Variants in GSKIP observed in about 807,000 individuals in gnomAD.
GSKIP encodes GSK3B interacting protein.
A neutral mutation model predicts 11.9 loss-of-function variants in GSKIP; 5 were observed. The observed-to-expected ratio is 0.42, with a 90% confidence interval of 0.22 to 0.89. GSKIP has a LOEUF of 0.89. Ranked by LOEUF, GSKIP falls within the 40% of genes least tolerant of loss-of-function variation. The pLI is 0.29. For missense variants in GSKIP, 150 were observed against 166.6 expected, an observed-to-expected ratio of 0.90 and a Z score of 0.55; for synonymous variants, 70 against 62.9, an observed-to-expected ratio of 1.11 and a Z score of -0.54.
chr14:96,380,586 A>G (rs1414565373), intron 2 of GSKIP, among the ~76,000 whole-genome samples: 2 of 152,224 alleles, frequency 1.3e-5, no homozygotes, highest in Non-Finnish European at 1.5e-5. Flanking sequence ...GAATGTCACT[A>G]TCTTGAAGGA....
intron 1 of GSKIP, among the ~76,000 whole-genome samples, chr14:96,369,291 A>G (rs796717592): frequency 3.9e-5 from 6 of 152,356 alleles, no homozygotes; most frequent in African/African-American, 1.4e-4. Context: ...GTTGGAATTT[A>G]AAAGGAAAGC....
intron 3 of GSKIP, among the ~76,000 whole-genome samples, chr14:96,383,323 C>T (rs1889400592): frequency 1.3e-5 from 2 of 151,728 alleles, no homozygotes; most frequent in Admixed American, 1.3e-4. Context: ...TAGGAGGGGG[C>T]CTATGAGTTC....
chr14:96,371,648 T>C (rs1889051552), intron 1 of GSKIP, among the ~76,000 whole-genome samples: 1 of 152,094 alleles, frequency 6.6e-6, no homozygotes, highest in African/African-American at 2.4e-5. Flanking sequence ...GGTTTCGCCA[T>C]GTTGGCCAGA....
intron 1 of GSKIP, among the ~76,000 whole-genome samples, chr14:96,374,206 C>T (rs1234086612): frequency 1.3e-5 from 2 of 151,918 alleles, no homozygotes; most frequent in African/African-American, 2.4e-5. Flanking sequence ...AAAAGACTAA[C>T]AAACTTGAAG....
chr14:96,384,044 C>T (rs1889420179), intron 3 of GSKIP, among the ~76,000 whole-genome samples: 1 of 152,002 alleles, frequency 6.6e-6, no homozygotes, highest in Non-Finnish European at 1.5e-5. Context: ...TAATCTATAA[C>T]TTGGAGATTT....
chr14:96,367,738 G>A (rs941875113), intron 1 of GSKIP, among the ~76,000 whole-genome samples: 5 of 152,102 alleles, frequency 3.3e-5, no homozygotes, highest in Admixed American at 6.5e-5. Flanking sequence ...ACAAACACCC[G>A]AACACCGCCC....
rs1394706815 is a variant in GSKIP, at chr14:96,386,981, G to A, written c.*1297G>A. On this transcript the variant is annotated 3_prime_UTR_variant, in exon 4 of 4. Transcript: ENST00000555181. ...CATTATTAAAAAACAGGAACTTTTA[G>A]GCTCTGAAGATCATGTGGACCAGAG... The A allele has an allele frequency of 1.3e-5, 2 of 152,106 alleles. No individual in the cohort carries two copies. The highest frequency in any genetic ancestry group is 6.5e-5 in the Admixed American group (1 of 15,270). The allele number at this position is 152,106 out of a possible 1,614,324, so 9.4% of individuals were successfully genotyped here. A position where few individuals can be genotyped will look rare whatever the true frequency, so the allele number is the denominator to read the frequency against.
rs572059833 is a variant in GSKIP at position 96,366,502 on chromosome 14, A to G, written c.-103+2934A>G. On this transcript the variant is annotated intron_variant, in intron 1 of 3. Coordinates refer to ENST00000555181, the MANE Select transcript of GSKIP (RefSeq NM_016472.5). The stretch of plus-strand genomic sequence containing the variant: ...GATATCTTTGGCTACAGTAGGGTAC[A>G]AACTCATCTCAAATCACAGTGCCAT... Among the ~76,000 whole-genome samples the G allele has an allele frequency of 1.2e-4, 19 of 152,370 alleles. No homozygotes were observed. In the South Asian group the frequency reaches 3.1e-3, roughly 25 times the overall value.
At chr14:96,368,165 A>G (rs1888947147) in intron 1 of GSKIP, among the ~76,000 whole-genome samples, 1 of 150,270 alleles carries the variant, frequency 6.7e-6, no homozygotes, top group African/African-American at 2.5e-5. Context: ...GGAAAGGTTT[A>G]CAAGGTTGTA....
intron 1 of GSKIP, 146 bp from the exon 2 acceptor site, chr14:96,379,542 A>C (rs1404791470): frequency 6.6e-6 from 1 of 152,248 alleles, no homozygotes; most frequent in Non-Finnish European, 1.5e-5. Flanking sequence ...TTAAAATAAT[A>C]GCTAAAAATG....
chr14:96,377,102 A>T (rs1306451355), intron 1 of GSKIP, among the ~76,000 whole-genome samples: 3 of 152,192 alleles, frequency 2.0e-5, no homozygotes, highest in Non-Finnish European at 4.4e-5. Context: ...AGAGGTCTAG[A>T]CCTGTGCCAT....
chr14:96,382,751 AC>A (rs1889383385), intron 3 of GSKIP, among the ~76,000 whole-genome samples: 1 of 152,040 alleles, frequency 6.6e-6, no homozygotes, highest in Non-Finnish European at 1.5e-5. Context: ...TTTAATCATG[AC>A]CCCCAAAACT....
chr14:96,370,936 A>T (rs1288331670), intron 1 of GSKIP, among the ~76,000 whole-genome samples: 1 of 152,234 alleles, frequency 6.6e-6, no homozygotes, highest in Admixed American at 6.5e-5. Flanking sequence ...TATTGCTGAA[A>T]ATGGGGTGCA....
At chr14:96,365,894 C>T (rs975253939) in intron 1 of GSKIP, among the ~76,000 whole-genome samples, 1 of 151,854 alleles carries the variant, frequency 6.6e-6, no homozygotes, top group Admixed American at 6.6e-5. Context: ...AGAGGAGTGA[C>T]ACAGTATGGC....
chr14:96,382,638 A>G, intron 3 of GSKIP, 133 bp downstream of exon 3: 1 of 511,818 alleles, frequency 2.0e-6, no homozygotes, highest in Non-Finnish European at 3.2e-6. Context: ...TTTTTAAGAA[A>G]AACTTTTAAC....
chr14:96,366,759 T>C (rs908039660), intron 1 of GSKIP, among the ~76,000 whole-genome samples: 1 of 152,042 alleles, frequency 6.6e-6, no homozygotes, highest in African/African-American at 2.4e-5. Flanking sequence ...AAAAAGAAAA[T>C]AATTACCCAA....
intron 1 of GSKIP, among the ~76,000 whole-genome samples, chr14:96,373,552 A>G (rs1436116351): frequency 6.6e-6 from 1 of 152,110 alleles, no homozygotes; most frequent in African/African-American, 2.4e-5. Flanking sequence ...ATAATTTCTA[A>G]CTGTGAGTGT....
At chr14:96,381,068 C>A (rs1889333637) in intron 2 of GSKIP, among the ~76,000 whole-genome samples, 1 of 152,176 alleles carries the variant, frequency 6.6e-6, no homozygotes, top group Admixed American at 6.5e-5. Context: ...ACTTTTAAAA[C>A]CTGCCAAGCA....
intron 1 of GSKIP, among the ~76,000 whole-genome samples, chr14:96,371,611 AT>A (rs1889050068): frequency 6.6e-6 from 1 of 151,814 alleles, no homozygotes; most frequent in Non-Finnish European, 1.5e-5. Context: ...CACCTGGCTA[AT>A]TTTTTTCTAT....
Sources: allele counts gnomAD v4.1 joint callset (sites outside exome capture counted in the v4.1 genomes callset), GRCh38; gene constraint gnomAD v4.1.1; transcripts MANE v1.5; gene names NCBI Gene and HGNC (gene_info 2026-07-23, HGNC 2026-07-21).